The following SMAP1 variants were observed in gnomAD, a reference collection of about 807,000 sequenced individuals.
The protein encoded by SMAP1 is stromal membrane-associated protein 1.
In SMAP1, 24 loss-of-function variants were observed where a neutral mutation model predicts 58.5. The ratio of observed to expected loss-of-function variants is 0.41; its 90% CI spans 0.30 to 0.58. The LOEUF (loss-of-function observed/expected upper bound fraction) is 0.58. SMAP1 is among the 20% of genes least tolerant of loss of function. SMAP1 has a pLI of 0.29. For missense variants in SMAP1, 563 were observed against 566.3 expected, an observed-to-expected ratio of 0.99 and a Z score of 0.06; for synonymous variants, 216 against 196.6, an observed-to-expected ratio of 1.10 and a Z score of -0.82.
At chr6:70,704,274 C>T (rs1562103082) in intron 1 of SMAP1, among the ~76,000 whole-genome samples, 1 of 152,170 alleles carries the variant, frequency 6.6e-6, no homozygotes, top group African/African-American at 2.4e-5. Flanking sequence ...TACTAGTACT[C>T]TTCTGTTCCA....
At chr6:70,806,709 T>C (rs1769150455) in intron 6 of SMAP1, among the ~76,000 whole-genome samples, 1 of 152,332 alleles carries the variant, frequency 6.6e-6, no homozygotes, top group East Asian at 1.9e-4. Context: ...GTCAAATTTA[T>C]TTCTATAAGT....
chr6:70,709,200 C>T (rs978394372), intron 1 of SMAP1, among the ~76,000 whole-genome samples: 25 of 152,078 alleles, frequency 1.6e-4, no homozygotes, highest in African/African-American at 3.1e-4. Flanking sequence ...GTCTTCTTGG[C>T]GGGCTTGTCA....
rs138189765 is a variant in SMAP1 at position 70,805,065 on chromosome 6, C to T, written c.576+6328C>T. Among the ~76,000 whole-genome samples, 1,340 of 151,910 alleles carry T rather than the reference C, an allele frequency of 8.8e-3. 17 individuals carry two copies. The highest frequency in any genetic ancestry group is 0.015 in the Non-Finnish European group (1,002 of 67,978). On this transcript the variant is annotated intron_variant, in intron 6 of 10. Transcript: ENST00000370455. ...TTGGCCTGTCTTGCTAGGTTGGGTA[C>T]GTTCTCCTGGATAATATCCTGAAGA...
intron 3 of SMAP1, among the ~76,000 whole-genome samples, chr6:70,756,410 C>A (rs1766492663): frequency 6.6e-6 from 1 of 152,036 alleles, no homozygotes; most frequent in Non-Finnish European, 1.5e-5. Flanking sequence ...TTTTCTGTTT[C>A]TGTTCGCCCC....
intron 6 of SMAP1, among the ~76,000 whole-genome samples, chr6:70,807,775 A>G (rs1490664607): frequency 6.6e-6 from 1 of 152,128 alleles, no homozygotes; most frequent in East Asian, 1.9e-4. Context: ...TTATTACAAC[A>G]TGTTATATAT....
At chr6:70,741,674 A>T (rs2149873668) in intron 2 of SMAP1, among the ~76,000 whole-genome samples, 1 of 152,338 alleles carries the variant, frequency 6.6e-6, no homozygotes, top group African/African-American at 2.4e-5. Context: ...GTAGATAACT[A>T]GGCAGTGCCC....
At chr6:70,765,262 G>C (rs775955025) in intron 3 of SMAP1, among the ~76,000 whole-genome samples, 2 of 152,082 alleles carry the variant, frequency 1.3e-5, no homozygotes, top group African/African-American at 2.4e-5. Context: ...GTCTTTGATA[G>C]GTTCTTAGAA....
intron 1 of SMAP1, among the ~76,000 whole-genome samples, chr6:70,677,575 C>G (rs541530937): frequency 6.6e-6 from 1 of 151,318 alleles, no homozygotes; most frequent in African/African-American, 2.4e-5. Flanking sequence ...CCCGCCACCG[C>G]GCCCAGCTAA....
intron 7 of SMAP1, among the ~76,000 whole-genome samples, chr6:70,841,298 C>G (rs1770795724): frequency 6.6e-6 from 1 of 152,160 alleles, no homozygotes; most frequent in Non-Finnish European, 1.5e-5. Flanking sequence ...CATCTGTGTA[C>G]CACATGCGCA....
intron 1 of SMAP1, among the ~76,000 whole-genome samples, chr6:70,719,085 G>T (rs1291433214): frequency 6.6e-6 from 1 of 152,062 alleles, no homozygotes; most frequent in Non-Finnish European, 1.5e-5. Context: ...ATATCTTATG[G>T]ACTCTTTAAC....
intron 5 of SMAP1, among the ~76,000 whole-genome samples, chr6:70,796,120 A>G (rs1187762416): frequency 2.0e-5 from 3 of 152,180 alleles, no homozygotes; most frequent in African/African-American, 2.4e-5. Context: ...TATAATATAT[A>G]TAAAATTTTT....
At chr6:70,851,597 G>T (rs1771186704) in intron 7 of SMAP1, among the ~76,000 whole-genome samples, 1 of 152,174 alleles carries the variant, frequency 6.6e-6, no homozygotes, top group Admixed American at 6.5e-5. Flanking sequence ...TGTGGTTACA[G>T]AAAACTGAAC....
intron 1 of SMAP1, among the ~76,000 whole-genome samples, chr6:70,719,324 T>C (rs1271593749): frequency 1.3e-5 from 2 of 152,232 alleles, no homozygotes; most frequent in Non-Finnish European, 2.9e-5. Flanking sequence ...TTTTTATTAT[T>C]ATTGTCATTG....
intron 4 of SMAP1, among the ~76,000 whole-genome samples, chr6:70,788,451 CATA>C (rs1030815250): frequency 1.9e-4 from 29 of 151,430 alleles, no homozygotes; most frequent in South Asian, 6.3e-4. Context: ...AAAGTGTAAT[CATA>C]ATAATAAAAA....
intron 1 of SMAP1, among the ~76,000 whole-genome samples, chr6:70,709,115 C>CA (rs1408634437): frequency 6.6e-6 from 1 of 151,656 alleles, no homozygotes; most frequent in East Asian, 1.9e-4. Flanking sequence ...TATAAGGGTC[C>CA]AGTTTCATTC....
chr6:70,828,419 T>G (rs1770226361), intron 6 of SMAP1, among the ~76,000 whole-genome samples: 3 of 152,320 alleles, frequency 2.0e-5, no homozygotes, highest in African/African-American at 7.2e-5. Flanking sequence ...AGAAAATGTA[T>G]CTCAGATAAT....
intron 10 of SMAP1, chr6:70,858,631 CTAA>C: frequency 6.4e-6 from 1 of 156,774 alleles, no homozygotes; most frequent in Non-Finnish European, 1.4e-5. Context: ...CTTAGCTTCA[CTAA>C]TAATTTTAGG....
chr6:70,860,339 T>G lies in SMAP1; in HGVS notation c.*5T>G. 6.2e-7 allele frequency: 1 copy of G among 1,604,146 alleles called. No individual in the cohort carries two copies. The highest frequency in any genetic ancestry group is 2.2e-5 in the East Asian group (1 of 44,752). ...AGCACACAACTGTGGAAATGAAAAC[T>G]GCAATACAAGTTTCATCCAGAACTA... is the stretch of plus-strand genomic sequence containing the variant. On this transcript the variant is annotated 3_prime_UTR_variant, in exon 11 of 11. Transcript: ENST00000370455.
In SMAP1 at chr6:70,733,272, T is replaced by C. The variant is rs115749520; in HGVS notation, c.252+761T>C. On this transcript the variant is annotated intron_variant, in intron 2 of 10. Coordinates refer to ENST00000370455, the MANE Select transcript of SMAP1 (RefSeq NM_001044305.3). The stretch of plus-strand genomic sequence containing the variant: ...CAGAATCTTAACCCAATAGTTTACA[T>C]GAATGGGGTGAAGTAAAGGTAGAAA... Among the ~76,000 whole-genome samples, 645 of 152,270 alleles carry C rather than the reference T, an allele frequency of 4.2e-3. 7 individuals are homozygous for C. The highest frequency in any genetic ancestry group is 0.015 in the African/African-American group (627 of 41,560).
Sources: allele counts gnomAD v4.1 joint callset (sites outside exome capture counted in the v4.1 genomes callset), GRCh38; gene constraint gnomAD v4.1.1; transcripts MANE v1.5; gene names NCBI Gene and HGNC (gene_info 2026-07-23, HGNC 2026-07-21).